The following TSHZ3 variants were observed in gnomAD, a reference collection of about 807,000 sequenced individuals.
TSHZ3 encodes teashirt homolog 3.
TSHZ3 carries 10 observed loss-of-function variants against 64.5 expected under a neutral mutation model. The ratio of observed to expected loss-of-function variants is 0.16; its 90% CI spans 0.10 to 0.26. The LOEUF is 0.26. Ranked by LOEUF, TSHZ3 falls within the 10% of genes least tolerant of loss-of-function variation. TSHZ3 has a pLI of 1.00. For missense variants in TSHZ3, 1,242 were observed against 1,421.7 expected, an observed-to-expected ratio of 0.87 and a Z score of 2.03; for synonymous variants, 608 against 593.1, an observed-to-expected ratio of 1.03 and a Z score of -0.36.
At chr19:31,193,302 G>A (rs1974939503) in intron 5 of TSHZ3, among the ~76,000 whole-genome samples, 1 of 152,142 alleles carries the variant, frequency 6.6e-6, no homozygotes, top group South Asian at 2.1e-4. Flanking sequence ...TTTGCAGGAA[G>A]CAGTCTCTGT....
chr19:31,213,660 T>C (rs1663120003), intron 4 of TSHZ3, among the ~76,000 whole-genome samples: 1 of 152,130 alleles, frequency 6.6e-6, no homozygotes, highest in African/African-American at 2.4e-5. Flanking sequence ...CATGTATGTG[T>C]AAGCAACAGG....
At chr19:31,287,945 T>C (rs187598048) in intron 1 of TSHZ3, among the ~76,000 whole-genome samples, 8 of 151,582 alleles carry the variant, frequency 5.3e-5, no homozygotes, top group Non-Finnish European at 1.2e-4. Context: ...TCTTTTTCTG[T>C]TTTTTTTGAG....
At chr19:31,339,003 A>C (rs1231996430) in intron 1 of TSHZ3, among the ~76,000 whole-genome samples, 1 of 152,010 alleles carries the variant, frequency 6.6e-6, no homozygotes, top group Non-Finnish European at 1.5e-5. Flanking sequence ...TTACACGGCA[A>C]GTCTAAATAA....
At chr19:31,186,341 A>G (rs1158351758) in intron 5 of TSHZ3, among the ~76,000 whole-genome samples, 1 of 152,160 alleles carries the variant, frequency 6.6e-6, no homozygotes, top group East Asian at 1.9e-4. Flanking sequence ...AAGGTAATAG[A>G]ATCATGGGGG....
intron 1 of TSHZ3, among the ~76,000 whole-genome samples, chr19:31,257,610 G>A (rs113299272): frequency 0.045 from 6,859 of 152,274 alleles, 237 homozygotes; most frequent in Non-Finnish European, 0.063. Flanking sequence ...TGGTCAGGCT[G>A]GCCCCAGGAC....
At chr19:31,174,086 A>G (rs920706755) in intron 5 of TSHZ3, among the ~76,000 whole-genome samples, 23 of 152,266 alleles carry the variant, frequency 1.5e-4, no homozygotes, top group African/African-American at 5.1e-4. Context: ...AAACAAACAA[A>G]CAAAAAAAAA....
At chr19:31,264,753 C>T (rs1568362967) in intron 1 of TSHZ3, among the ~76,000 whole-genome samples, 4 of 150,286 alleles carry the variant, frequency 2.7e-5, no homozygotes, top group Non-Finnish European at 4.4e-5. Context: ...CCAAACAAAT[C>T]GGCAGGTCAT....
At chr19:31,159,746 G>A (rs1974349801) in intron 5 of TSHZ3, among the ~76,000 whole-genome samples, 1 of 151,786 alleles carries the variant, frequency 6.6e-6, no homozygotes, top group South Asian at 2.1e-4. Context: ...AGGCTGGAGT[G>A]CAACAATACA....
At chr19:31,288,132 C>CT (rs892819016) in intron 1 of TSHZ3, among the ~76,000 whole-genome samples, 7 of 151,796 alleles carry the variant, frequency 4.6e-5, no homozygotes, top group Non-Finnish European at 1.0e-4. Context: ...TTTGTTAATC[C>CT]TTTTTTTTAT....
intron 1 of TSHZ3, among the ~76,000 whole-genome samples, chr19:31,327,216 A>G (rs1403039522): frequency 1.3e-5 from 2 of 152,244 alleles, no homozygotes; most frequent in Non-Finnish European, 1.5e-5. Flanking sequence ...TGTTCGACCA[A>G]TTCCCTTCTT....
At chr19:31,191,843 C>A (rs1171650344) in intron 5 of TSHZ3, among the ~76,000 whole-genome samples, 1 of 152,100 alleles carries the variant, frequency 6.6e-6, no homozygotes, top group African/African-American at 2.4e-5. Context: ...TGGGAGACTG[C>A]ACCCCAGCCT....
intron 5 of TSHZ3, among the ~76,000 whole-genome samples, chr19:31,195,029 A>G (rs902276596): frequency 6.6e-6 from 1 of 152,176 alleles, no homozygotes; most frequent in Non-Finnish European, 1.5e-5. Context: ...AGAAACCTCC[A>G]AAATTGAAAA....
chr19:31,234,359 A>G (rs1205818879), intron 3 of TSHZ3, among the ~76,000 whole-genome samples: 1 of 151,936 alleles, frequency 6.6e-6, no homozygotes, highest in Non-Finnish European at 1.5e-5. Context: ...TCCTTTTTAA[A>G]TTCGTTTGTT....
At chr19:31,165,233 A>G (rs940504825) in intron 5 of TSHZ3, among the ~76,000 whole-genome samples, 1 of 152,290 alleles carries the variant, frequency 6.6e-6, no homozygotes, top group Admixed American at 6.5e-5. Context: ...CATCAACTCC[A>G]TGGAAAGGAA....
intron 1 of TSHZ3, among the ~76,000 whole-genome samples, chr19:31,291,791 T>G (rs2145130491): frequency 6.6e-6 from 1 of 152,340 alleles, no homozygotes; most frequent in Non-Finnish European, 1.5e-5. Context: ...TCACTCTGTG[T>G]GCCCTGGAGG....
At chr19:31,229,807 A>G (rs1394452550) in intron 3 of TSHZ3, among the ~76,000 whole-genome samples, 1 of 152,246 alleles carries the variant, frequency 6.6e-6, no homozygotes, top group Non-Finnish European at 1.5e-5. Context: ...CAAAAATATG[A>G]AAAATGTTTA....
intron 1 of TSHZ3, among the ~76,000 whole-genome samples, chr19:31,324,030 CA>C (rs1282845000): frequency 1.3e-5 from 2 of 151,994 alleles, no homozygotes; most frequent in Non-Finnish European, 2.9e-5. Flanking sequence ...TCTTCACAAC[CA>C]AAAGCAGGAG....
Position 31,278,839 on chromosome 19 carries a change from A to G in TSHZ3, c.954T>C (p.Pro318=). ...PVTPVAAKII[P]ATRKKASLEL... is the part of the protein sequence containing the mutation. ...CCAGGGAAGCTTTCTTCCGAGTGGC[A>G]GGGATGATTTTGGCGGCGACAGGAG... Residue 318 remains proline, a synonymous_variant, in exon 2 of 2, where the codon CCT becomes CCC. Transcript: ENST00000240587. This position sits in a 1 kb window ranked among gnomAD's most constrained non-coding sequence, Gnocchi z 4.7. 6.2e-7 allele frequency: 1 copy of G among 1,614,138 alleles called. No homozygotes were observed. The highest frequency in any genetic ancestry group is 8.5e-7 in the Non-Finnish European group (1 of 1,180,032).
intron 3 of TSHZ3, among the ~76,000 whole-genome samples, chr19:31,240,846 T>C (rs1246374160): frequency 6.6e-6 from 1 of 152,192 alleles, no homozygotes; most frequent in Non-Finnish European, 1.5e-5. Context: ...AATTTTCTGT[T>C]ACTGAATTTC....
Sources: gnomAD v4.1 joint callset for allele counts (sites outside exome capture counted in the v4.1 genomes callset) on GRCh38, gnomAD v4.1.1 for gene constraint, Gnocchi (gnomAD v3.1) non-coding constraint, MANE v1.5 for transcripts, NCBI Gene and HGNC (gene_info 2026-07-23, HGNC 2026-07-21) for gene names.